Variants in RFX3 observed in about 807,000 individuals in gnomAD.
The protein encoded by RFX3 is transcription factor RFX3.
RFX3 carries 14 observed loss-of-function variants against 98.6 expected under a neutral mutation model. That is an observed-to-expected ratio of 0.14 (90% CI 0.09 to 0.22). The LOEUF (loss-of-function observed/expected upper bound fraction) is 0.22. RFX3 is among the 10% of genes least tolerant of loss of function. The pLI, the probability that RFX3 is intolerant of heterozygous loss-of-function variation, is 1.00. For missense variants in RFX3, 639 were observed against 926.9 expected, an observed-to-expected ratio of 0.69 and a Z score of 4.03; for synonymous variants, 383 against 328.4, an observed-to-expected ratio of 1.17 and a Z score of -1.80.
At chr9:3,491,978 T>C (rs1453699938) in intron 1 of RFX3, among the ~76,000 whole-genome samples, 2 of 152,198 alleles carry the variant, frequency 1.3e-5, no homozygotes, top group Non-Finnish European at 2.9e-5. Context: ...TACATTGGCC[T>C]CACCCACAAG....
At chr9:3,322,318 A>G (rs1831409630) in intron 4 of RFX3, among the ~76,000 whole-genome samples, 1 of 152,136 alleles carries the variant, frequency 6.6e-6, no homozygotes, top group Non-Finnish European at 1.5e-5. Flanking sequence ...TTATTCAGCA[A>G]TTGGATCTTG....
At chr9:3,242,067 A>G (rs1245712730) in intron 15 of RFX3, among the ~76,000 whole-genome samples, 1 of 152,156 alleles carries the variant, frequency 6.6e-6, no homozygotes, top group Non-Finnish European at 1.5e-5. Context: ...ATGGTGAAAA[A>G]CTGAAAGATA....
At chr9:3,489,177 T>G (rs1476998267) in intron 1 of RFX3, among the ~76,000 whole-genome samples, 1 of 152,214 alleles carries the variant, frequency 6.6e-6, no homozygotes, top group South Asian at 2.1e-4. Flanking sequence ...AACATTAAAA[T>G]AGCAATGTTT....
chr9:3,317,220 C>G (rs1830721058), intron 4 of RFX3, among the ~76,000 whole-genome samples: 1 of 152,172 alleles, frequency 6.6e-6, no homozygotes, highest in Non-Finnish European at 1.5e-5. Context: ...TACCACACAT[C>G]TATAACCATC....
intron 1 of RFX3, among the ~76,000 whole-genome samples, chr9:3,492,394 C>A (rs561509640): frequency 6.6e-6 from 1 of 152,260 alleles, no homozygotes; most frequent in African/African-American, 2.4e-5. Flanking sequence ...GGGCCACTCA[C>A]TTTAGAGAGC....
chr9:3,280,151 C>G (rs1825748594), intron 7 of RFX3, among the ~76,000 whole-genome samples: 1 of 151,786 alleles, frequency 6.6e-6, no homozygotes, highest in South Asian at 2.1e-4. Flanking sequence ...TATGTGCATT[C>G]ATTCTTGGTT....
At chr9:3,412,664 T>C (rs749224769) in intron 1 of RFX3, among the ~76,000 whole-genome samples, 9 of 152,096 alleles carry the variant, frequency 5.9e-5, no homozygotes, top group Non-Finnish European at 1.3e-4. Context: ...CAGTAAAAGC[T>C]ATCACCTGGC....
chr9:3,426,108 C>G (rs1450387988), intron 1 of RFX3, among the ~76,000 whole-genome samples: 1 of 151,940 alleles, frequency 6.6e-6, no homozygotes, highest in African/African-American at 2.4e-5. Flanking sequence ...ACTTTTATAC[C>G]ATGTTTATGA....
chr9:3,505,767 T>C (rs879404016), intron 1 of RFX3, among the ~76,000 whole-genome samples: 5 of 148,504 alleles, frequency 3.4e-5, no homozygotes, highest in Non-Finnish European at 4.5e-5. Context: ...ATCATTTACA[T>C]ATCATTTACA....
intron 1 of RFX3, among the ~76,000 whole-genome samples, chr9:3,432,209 T>C (rs1844716621): frequency 6.6e-6 from 1 of 152,088 alleles, no homozygotes; most frequent in African/African-American, 2.4e-5. Context: ...TCTTTTGATA[T>C]TGAACAATGC....
chr9:3,478,283 T>C (rs1849442935), intron 1 of RFX3, among the ~76,000 whole-genome samples: 1 of 152,142 alleles, frequency 6.6e-6, no homozygotes, highest in African/African-American at 2.4e-5. Context: ...CTCCACATTA[T>C]TCCCCTAAAT....
At chr9:3,384,175 T>C (rs1040830583) in intron 2 of RFX3, among the ~76,000 whole-genome samples, 1 of 150,694 alleles carries the variant, frequency 6.6e-6, no homozygotes, top group Non-Finnish European at 1.5e-5. Flanking sequence ...CCCAAGTCCT[T>C]TCCTCTCCAC....
chr9:3,289,651 T>C (rs1260209436), intron 6 of RFX3, among the ~76,000 whole-genome samples: 1 of 152,134 alleles, frequency 6.6e-6, no homozygotes, highest in African/African-American at 2.4e-5. Context: ...TTTGGTTTCC[T>C]ACAAATTAAC....
At chr9:3,449,600 C>T (rs1846382274) in intron 1 of RFX3, among the ~76,000 whole-genome samples, 2 of 152,152 alleles carry the variant, frequency 1.3e-5, no homozygotes, top group Admixed American at 6.5e-5. Context: ...TGCCCCATGC[C>T]TTAATCCCAG....
At chr9:3,487,772 G>A (rs1564165775) in intron 1 of RFX3, among the ~76,000 whole-genome samples, 1 of 152,068 alleles carries the variant, frequency 6.6e-6, no homozygotes, top group Admixed American at 6.6e-5. Context: ...GGTGTCCCCT[G>A]AAAATTCAAG....
chr9:3,251,047 T>C (rs1821329077), intron 14 of RFX3, among the ~76,000 whole-genome samples: 1 of 152,156 alleles, frequency 6.6e-6, no homozygotes, highest in African/African-American at 2.4e-5. Context: ...TTAAAAACTC[T>C]ATCAAAACAC....
At chr9:3,373,407 C>T (rs538103649) in intron 2 of RFX3, among the ~76,000 whole-genome samples, 3 of 152,174 alleles carry the variant, frequency 2.0e-5, no homozygotes, top group African/African-American at 4.8e-5. Flanking sequence ...CACTCCCACC[C>T]AGAAAAAATT....
At chr9:3,247,276 T>C in intron 15 of RFX3, 1 of 987,632 alleles carries the variant, frequency 1.0e-6, no homozygotes, top group Non-Finnish European at 1.2e-6. Context: ...AGTTTAAGCT[T>C]TTTGATAAGC....
chr9:3,315,205 T>C (rs527361036), intron 4 of RFX3, among the ~76,000 whole-genome samples: 1 of 152,216 alleles, frequency 6.6e-6, no homozygotes, highest in Admixed American at 6.5e-5. Flanking sequence ...AAACTAGAAC[T>C]CAGGATTAAG....
Sources: gnomAD v4.1 joint callset for allele counts (sites outside exome capture counted in the v4.1 genomes callset) on GRCh38, gnomAD v4.1.1 for gene constraint, MANE v1.5 for transcripts, NCBI Gene and HGNC (gene_info 2026-07-23, HGNC 2026-07-21) for gene names.